Variants in EHBP1 observed in about 807,000 individuals in gnomAD.
EHBP1 encodes the protein EH domain-binding protein 1.
Under a neutral mutation model 144.0 loss-of-function variants are expected in EHBP1, and 55 were observed. The ratio of observed to expected loss-of-function variants is 0.38; its 90% CI spans 0.31 to 0.48. The LOEUF is 0.48. EHBP1 is among the 20% of genes least tolerant of loss of function. The pLI is 0.98. For synonymous variants in EHBP1, 469 were observed against 472.7 expected, an observed-to-expected ratio of 0.99 and a Z score of 0.10; for missense variants, 1,200 against 1,364.2, an observed-to-expected ratio of 0.88 and a Z score of 1.90.
intron 10 of EHBP1, among the ~76,000 whole-genome samples, chr2:62,935,888 T>C (rs908224310): frequency 2.0e-5 from 3 of 152,186 alleles, no homozygotes; most frequent in African/African-American, 7.2e-5. Context: ...TGCATCTGTT[T>C]AGATGATTAT....
At chr2:62,993,727 T>C in intron 17 of EHBP1, 59 bp downstream of exon 17, 1 of 805,638 alleles carries the variant, frequency 1.2e-6, no homozygotes, top group East Asian at 3.6e-5. Flanking sequence ...TAGATATCTA[T>C]ATATAGTATA....
At chr2:62,772,602 T>C (rs1290693169) in intron 5 of EHBP1, among the ~76,000 whole-genome samples, 2 of 152,254 alleles carry the variant, frequency 1.3e-5, no homozygotes, top group Admixed American at 6.5e-5. Flanking sequence ...AAGTCCTGTC[T>C]CTTCTACTTA....
intron 7 of EHBP1, among the ~76,000 whole-genome samples, chr2:62,858,807 T>A (rs1164857285): frequency 6.6e-6 from 1 of 152,230 alleles, no homozygotes; most frequent in East Asian, 1.9e-4. Context: ...ATATTGTTTT[T>A]AGAATATTTG....
At chr2:62,731,269 C>A (rs1168531213) in intron 2 of EHBP1, among the ~76,000 whole-genome samples, 2 of 152,062 alleles carry the variant, frequency 1.3e-5, no homozygotes, top group Non-Finnish European at 2.9e-5. Context: ...ACCTTGTATC[C>A]TGCAATCTTG....
intron 8 of EHBP1, among the ~76,000 whole-genome samples, chr2:62,863,888 C>T (rs1482332706): frequency 2.5e-5 from 3 of 120,196 alleles, no homozygotes; most frequent in African/African-American, 9.4e-5. Flanking sequence ...GCTCTGTTGC[C>T]CAGACTATAG....
intron 19 of EHBP1, 48 bp downstream of exon 19, chr2:62,996,814 C>T (rs1559043722): frequency 1.3e-6 from 2 of 1,596,622 alleles, no homozygotes; most frequent in Non-Finnish European, 1.7e-6. Flanking sequence ...ATTGAGCGTT[C>T]ACAAACTCTT....
At chr2:62,769,556 A>C (rs1030055491) in intron 4 of EHBP1, among the ~76,000 whole-genome samples, 2 of 152,310 alleles carry the variant, frequency 1.3e-5, no homozygotes, top group Non-Finnish European at 2.9e-5. Flanking sequence ...AATAGGAAAA[A>C]CAAATATCAT....
At chr2:62,992,320 T>C (rs892109695) in intron 16 of EHBP1, among the ~76,000 whole-genome samples, 8 of 152,252 alleles carry the variant, frequency 5.3e-5, no homozygotes, top group African/African-American at 1.9e-4. Context: ...GGCTAGGATA[T>C]TATAAGCATG....
intron 19 of EHBP1, among the ~76,000 whole-genome samples, chr2:63,003,278 T>G (rs1171937518): frequency 6.6e-6 from 1 of 152,000 alleles, no homozygotes; most frequent in East Asian, 1.9e-4. Context: ...GTAGACAAAA[T>G]AAATATAGAC....
chr2:62,847,995 A>T (rs1299701315), intron 7 of EHBP1, among the ~76,000 whole-genome samples: 1 of 152,120 alleles, frequency 6.6e-6, no homozygotes, highest in Non-Finnish European at 1.5e-5. Context: ...GGCACTACTA[A>T]ATGTTGGCAA....
chr2:62,676,875 A>G (rs1013329934), intron 1 of EHBP1, among the ~76,000 whole-genome samples: 6 of 152,234 alleles, frequency 3.9e-5, no homozygotes, highest in Admixed American at 1.3e-4. Context: ...TCTCTAATAC[A>G]GAAGCCTTTG....
intron 8 of EHBP1, among the ~76,000 whole-genome samples, chr2:62,863,743 C>G (rs1246251279): frequency 2.0e-5 from 3 of 149,912 alleles, no homozygotes; most frequent in Non-Finnish European, 2.9e-5. Flanking sequence ...CCTGAGTGGT[C>G]TGTGCTTACG....
At chr2:62,938,256 A>C (rs2056518223) in intron 10 of EHBP1, among the ~76,000 whole-genome samples, 1 of 152,244 alleles carries the variant, frequency 6.6e-6, no homozygotes, top group Admixed American at 6.5e-5. Flanking sequence ...TTTGAACTAT[A>C]AATATTTGGG....
intron 14 of EHBP1, among the ~76,000 whole-genome samples, chr2:62,978,912 T>G (rs1179767096): frequency 6.6e-6 from 1 of 152,214 alleles, no homozygotes; most frequent in Non-Finnish European, 1.5e-5. Flanking sequence ...TTATTAATAA[T>G]AATTTCTGAT....
intron 19 of EHBP1, among the ~76,000 whole-genome samples, chr2:63,022,879 T>TA (rs1559080179): frequency 6.6e-6 from 1 of 152,054 alleles, no homozygotes; most frequent in African/African-American, 2.4e-5. Context: ...CTATTTTTTT[T>TA]AAAAACATTA....
intron 1 of EHBP1, among the ~76,000 whole-genome samples, chr2:62,679,234 C>T (rs536520217): frequency 6.6e-6 from 1 of 152,310 alleles, no homozygotes; most frequent in Admixed American, 6.5e-5. Context: ...ATCAATATCA[C>T]ACCTATAGTC....
At chr2:62,887,277 CA>C (rs1187081580) in intron 10 of EHBP1, among the ~76,000 whole-genome samples, 1 of 152,020 alleles carries the variant, frequency 6.6e-6, no homozygotes, top group Non-Finnish European at 1.5e-5. Flanking sequence ...AGCTGAAAAT[CA>C]AGAGTTCTAT....
intron 7 of EHBP1, among the ~76,000 whole-genome samples, chr2:62,844,093 A>G (rs1209792198): frequency 1.1e-4 from 16 of 152,374 alleles, no homozygotes; most frequent in Non-Finnish European, 7.4e-5. Context: ...TTGAGGGAAC[A>G]GACTGTTAAC....
chr2:62,914,946 G>A (rs971760284), intron 10 of EHBP1, among the ~76,000 whole-genome samples: 2 of 152,020 alleles, frequency 1.3e-5, no homozygotes, highest in African/African-American at 2.4e-5. Context: ...AGAAAAGTTG[G>A]ATAAAATGGC....
Sources: gnomAD v4.1 joint callset for allele counts (sites outside exome capture counted in the v4.1 genomes callset) on GRCh38, gnomAD v4.1.1 for gene constraint, MANE v1.5 for transcripts, NCBI Gene and HGNC (gene_info 2026-07-23, HGNC 2026-07-21) for gene names.